The following ARHGAP24 variants were observed in gnomAD, a reference collection of about 807,000 sequenced individuals.
ARHGAP24 encodes the protein rho GTPase-activating protein 24.
ARHGAP24 carries 50 observed loss-of-function variants against 76.4 expected under a neutral mutation model. The observed-to-expected ratio is 0.65, with a 90% CI of 0.52 to 0.83. The LOEUF (loss-of-function observed/expected upper bound fraction) is 0.83. ARHGAP24 is among the 40% of genes least tolerant of loss of function. The pLI is 0.00. For synonymous variants in ARHGAP24, 345 were observed against 323.3 expected, an observed-to-expected ratio of 1.07 and a Z score of -0.72; for missense variants, 930 against 914.2, an observed-to-expected ratio of 1.02 and a Z score of -0.22.
chr4:85,505,867 C>G (rs530802890), intron 1 of ARHGAP24, among the ~76,000 whole-genome samples: 21 of 152,090 alleles, frequency 1.4e-4, no homozygotes, highest in Non-Finnish European at 2.4e-4. Context: ...TTTTATCTAC[C>G]TTTGGTCTTT....
intron 3 of ARHGAP24, among the ~76,000 whole-genome samples, chr4:85,754,671 G>A (rs1360908280): frequency 6.6e-6 from 1 of 152,192 alleles, no homozygotes; most frequent in Non-Finnish European, 1.5e-5. Context: ...CAGTGAGTGA[G>A]GAATGTCTAA....
intron 1 of ARHGAP24, among the ~76,000 whole-genome samples, chr4:85,544,508 C>A (rs994429921): frequency 7.2e-4 from 110 of 152,160 alleles, no homozygotes; most frequent in African/African-American, 2.5e-3. Flanking sequence ...GCATCTAGAT[C>A]AAAAAATGTA....
intron 3 of ARHGAP24, among the ~76,000 whole-genome samples, chr4:85,904,647 G>T (rs1027300012): frequency 2.6e-5 from 4 of 152,196 alleles, no homozygotes; most frequent in African/African-American, 9.7e-5. Flanking sequence ...TTTTGGTTTA[G>T]GCCTGTGAAT....
At chr4:85,691,435 A>G (rs1000094129) in intron 2 of ARHGAP24, among the ~76,000 whole-genome samples, 1 of 152,126 alleles carries the variant, frequency 6.6e-6, no homozygotes, top group African/African-American at 2.4e-5. Context: ...CTATCTAATG[A>G]TATCAGTGTG....
At chr4:85,665,213 A>G (rs1324657171) in intron 2 of ARHGAP24, among the ~76,000 whole-genome samples, 1 of 152,122 alleles carries the variant, frequency 6.6e-6, no homozygotes, top group African/African-American at 2.4e-5. Flanking sequence ...TTGGGTGCAT[A>G]TATATTTAGG....
intron 3 of ARHGAP24, among the ~76,000 whole-genome samples, chr4:85,839,995 C>T (rs1162701354): frequency 1.3e-5 from 2 of 148,322 alleles, no homozygotes; most frequent in Admixed American, 6.8e-5. Context: ...GATTACAGGC[C>T]TGTGCCACCA....
At chr4:85,854,151 A>G (rs6844888) in intron 3 of ARHGAP24, among the ~76,000 whole-genome samples, 1,677 of 151,344 alleles carry the variant, frequency 0.011, 26 homozygotes, top group African/African-American at 0.037. Flanking sequence ...AAAAAAAAAA[A>G]AAAAGAAAAA....
chr4:85,543,788 A>G (rs1395889457), intron 1 of ARHGAP24, among the ~76,000 whole-genome samples: 3 of 152,154 alleles, frequency 2.0e-5, no homozygotes, highest in Non-Finnish European at 2.9e-5. Context: ...ATAATCCTTA[A>G]AATATGTTTT....
intron 2 of ARHGAP24, among the ~76,000 whole-genome samples, chr4:85,627,647 G>T (rs891189750): frequency 6.6e-6 from 1 of 152,178 alleles, no homozygotes; most frequent in South Asian, 2.1e-4. Flanking sequence ...CTGTCTTTTT[G>T]TCTGTGCCCT....
intron 3 of ARHGAP24, among the ~76,000 whole-genome samples, chr4:85,865,534 A>T (rs866996709): frequency 2.0e-5 from 3 of 147,662 alleles, no homozygotes; most frequent in Middle Eastern, 3.6e-3. Flanking sequence ...ATTATTTATA[A>T]ATCAAGAATA....
At chr4:85,993,859 A>T (rs529430267) in intron 8 of ARHGAP24, among the ~76,000 whole-genome samples, 1 of 152,092 alleles carries the variant, frequency 6.6e-6, no homozygotes, top group Non-Finnish European at 1.5e-5. Flanking sequence ...TTAAGTAAAC[A>T]CTCTCCAGAT....
In ARHGAP24 at chr4:85,778,853, A is replaced by C. The variant is rs79226477; in HGVS notation, c.268+56881A>C. 2,586 of 985,456 alleles carry C rather than the reference A, an allele frequency of 2.6e-3. 112 individuals are homozygous for C. The South Asian group carries it at 0.085, about 33-fold the overall frequency. 61.0% of individuals were successfully genotyped at this position (985,456 alleles called of 1,614,324 possible). A position where few individuals can be genotyped will look rare whatever the true frequency, so the allele number is the denominator to read the frequency against. ...TGTGTCCAAACAGCATTTTCCAGAC[A>C]AGCTCTGTACTTTTTTGCCAAAAGA... On this transcript the variant is annotated intron_variant, in intron 3 of 9. Transcript: ENST00000395184.
intron 3 of ARHGAP24, among the ~76,000 whole-genome samples, chr4:85,733,219 A>C (rs1725484516): frequency 6.6e-6 from 1 of 150,680 alleles, no homozygotes; most frequent in Admixed American, 6.6e-5. Context: ...GCCCACCACC[A>C]CACTTGGCTA....
chr4:85,540,795 T>A (rs1474434294), intron 1 of ARHGAP24, among the ~76,000 whole-genome samples: 1 of 152,070 alleles, frequency 6.6e-6, no homozygotes, highest in Non-Finnish European at 1.5e-5. Flanking sequence ...AGCAAACAAT[T>A]CTCCATGAGT....
chr4:85,761,060 G>T (rs775841004), intron 3 of ARHGAP24, among the ~76,000 whole-genome samples: 7 of 152,160 alleles, frequency 4.6e-5, no homozygotes, highest in Non-Finnish European at 1.0e-4. Context: ...CAGGAAAAAT[G>T]AAGACATGGT....
chr4:85,561,142 G>A (rs955799170), intron 1 of ARHGAP24, among the ~76,000 whole-genome samples: 9 of 152,188 alleles, frequency 5.9e-5, no homozygotes, highest in Admixed American at 5.2e-4. Flanking sequence ...TGTGATAAGG[G>A]TCATGTCCAG....
chr4:85,851,179 A>T (rs1212446671), intron 3 of ARHGAP24, among the ~76,000 whole-genome samples: 1 of 152,044 alleles, frequency 6.6e-6, no homozygotes, highest in African/African-American at 2.4e-5. Context: ...CTTCTTGTTG[A>T]ATTGATCCCT....
At chr4:85,716,403 A>T (rs934455540) in intron 2 of ARHGAP24, among the ~76,000 whole-genome samples, 2 of 152,146 alleles carry the variant, frequency 1.3e-5, no homozygotes, top group African/African-American at 4.8e-5. Context: ...GATTCTTCAT[A>T]AAAGGAATAT....
At chr4:85,477,100 T>G (rs947847498) in intron 1 of ARHGAP24, among the ~76,000 whole-genome samples, 1 of 152,068 alleles carries the variant, frequency 6.6e-6, no homozygotes, top group Non-Finnish European at 1.5e-5. Flanking sequence ...TGGAAGACCT[T>G]TAAGTGGGGA....
Sources: gnomAD v4.1 joint callset for allele counts (sites outside exome capture counted in the v4.1 genomes callset) on GRCh38, gnomAD v4.1.1 for gene constraint, MANE v1.5 for transcripts, NCBI Gene and HGNC (gene_info 2026-07-23, HGNC 2026-07-21) for gene names.